Variants in SEC24B observed in about 807,000 individuals in gnomAD.
SEC24B encodes the protein SEC24 homolog B, COPII component.
SEC24B carries 45 observed loss-of-function variants against 142.8 expected under a neutral mutation model. The ratio of observed to expected loss-of-function variants is 0.32; its 90% CI spans 0.25 to 0.40. The LOEUF (loss-of-function observed/expected upper bound fraction) is 0.40, where lower values mean the gene tolerates loss of function less well. SEC24B is among the 10% of genes least tolerant of loss of function. The pLI is 1.00. For missense variants in SEC24B, 1,409 were observed against 1,526.8 expected (o/e 0.92, Z 1.29); for synonymous variants, 574 against 568.2 (o/e 1.01, Z -0.15).
Position 109,439,474 on chromosome 4 carries a change from A to ATTTTTTTTT in SEC24B, c.133+5509_133+5517dup, listed in dbSNP as rs70949077. Among the ~76,000 whole-genome samples the ATTTTTTTTT allele has an allele frequency of 3.2e-4, 14 of 43,996 alleles. 1 individual carries two copies. Among genetic ancestry groups the ATTTTTTTTT allele is most frequent in the Non-Finnish European group, 4.4e-4 (11 of 25,150 alleles). 28.9% of individuals were successfully genotyped at this position (43,996 alleles called of 152,430 possible). On this transcript the variant is annotated intron_variant, in intron 1 of 23. Transcript: ENST00000265175. ...GAATACATAATTTCCTCCTAAGCTG[A>ATTTTTTTTT]TTTTTTTTTTTTTTTTTTTTTTTTT...
chr4:109,433,960 C>T lies in SEC24B; in HGVS notation c.91C>T (p.Pro31Ser). Residue 31 changes from proline (P) to serine (S), a missense_variant, in exon 1 of 24, where the codon CCC becomes TCC. Pro to Ser is a moderately conservative substitution (Grantham distance 74, BLOSUM62 -1). This residue lies in a region of SEC24B where 709 missense variants were observed against 673.5 expected (regional missense o/e 1.05). Coordinates refer to ENST00000265175, the MANE Select transcript of SEC24B (RefSeq NM_006323.5). ...GGAAVSGAAA[P>S]AGPGAGPAPH... Reference sequence around the variant, plus strand: ...AGCGGCCGTCTCAGGAGCCGCAGCGCCCGCGGGCCCGGGTGCGGGCCCGGC... The same window carrying T: ...AGCGGCCGTCTCAGGAGCCGCAGCGTCCGCGGGCCCGGGTGCGGGCCCGGC... 4 of 1,233,994 alleles carry T rather than the reference C, an allele frequency of 3.2e-6. No individual in the cohort carries two copies. Among genetic ancestry groups the T allele is most frequent in the Non-Finnish European group, 4.0e-6 (4 of 990,196 alleles). The allele number at this position is 1,233,994 out of a possible 1,614,324, so 76.4% of individuals were successfully genotyped here.
chr4:109,449,557 G>C (rs1421916140), intron 1 of SEC24B: 1 of 455,280 alleles, frequency 2.2e-6, no homozygotes, highest in Non-Finnish European at 4.4e-6. Flanking sequence ...AGTTCTGGAG[G>C]CTGGAAGTTT....
chr4:109,468,287 T>TG (rs965084539), intron 2 of SEC24B, among the ~76,000 whole-genome samples: 5 of 152,224 alleles, frequency 3.3e-5, no homozygotes, highest in Admixed American at 2.0e-4. Context: ...AAGATACTCT[T>TG]GAACCTTTTT....
At chr4:109,489,886 CT>C (rs1734833291) in intron 4 of SEC24B, among the ~76,000 whole-genome samples, 1 of 151,688 alleles carries the variant, frequency 6.6e-6, no homozygotes, top group African/African-American at 2.4e-5. Flanking sequence ...CAGCATTCTG[CT>C]TTAGTTTAAA....
chr4:109,503,333 C>T (rs1736362100), intron 6 of SEC24B, among the ~76,000 whole-genome samples: 1 of 151,930 alleles, frequency 6.6e-6, no homozygotes, highest in Non-Finnish European at 1.5e-5. Flanking sequence ...AAGCGATTCT[C>T]CTGCCTCAGC....
chr4:109,530,524 T>C, intron 19 of SEC24B, 60 bp downstream of exon 19: 10 of 1,325,022 alleles, frequency 7.5e-6, no homozygotes, highest in Non-Finnish European at 1.0e-5. Context: ...GATATGTACA[T>C]GAAGAAAGGA....
chr4:109,530,500 T>C, intron 19 of SEC24B, 36 bp downstream of exon 19: 1 of 1,526,710 alleles, frequency 6.6e-7, no homozygotes, highest in Non-Finnish European at 8.9e-7. Context: ...TAATATTGTT[T>C]TTTAAAATTC....
chr4:109,527,002 T>A (rs1161202506), intron 17 of SEC24B, among the ~76,000 whole-genome samples: 2 of 151,962 alleles, frequency 1.3e-5, no homozygotes, highest in Non-Finnish European at 2.9e-5. Context: ...GTGGATCACC[T>A]GAGGTCAGGA....
intron 11 of SEC24B, among the ~76,000 whole-genome samples, chr4:109,519,561 G>A (rs2126067961): frequency 6.6e-6 from 1 of 152,286 alleles, no homozygotes; most frequent in South Asian, 2.1e-4. Flanking sequence ...GTCTCCTCTA[G>A]CCAGTAACAA....
At chr4:109,525,303 T>C (rs1348500194) in intron 15 of SEC24B, 43 bp from the exon 16 acceptor site, 5 of 1,482,496 alleles carry the variant, frequency 3.4e-6, no homozygotes, top group African/African-American at 1.4e-5. Flanking sequence ...AAGTAAAATA[T>C]TATTATTTCT....
chr4:109,456,483 C>T (rs917857886), intron 1 of SEC24B, among the ~76,000 whole-genome samples: 10 of 151,800 alleles, frequency 6.6e-5, no homozygotes, highest in African/African-American at 9.7e-5. Flanking sequence ...AATGTTAGGA[C>T]GAAAGCAGTC....
chr4:109,485,446 T>G (rs1033458013), intron 4 of SEC24B, among the ~76,000 whole-genome samples: 2 of 151,852 alleles, frequency 1.3e-5, no homozygotes, highest in Non-Finnish European at 2.9e-5. Context: ...ACGGCCAGAG[T>G]AGGTGGGAGT....
chr4:109,533,398 A>G (rs1045969794), intron 21 of SEC24B, among the ~76,000 whole-genome samples, 195 bp from the exon 22 acceptor site: 1 of 152,208 alleles, frequency 6.6e-6, no homozygotes, highest in African/African-American at 2.4e-5. Context: ...ATTTTATGGT[A>G]AGCCTTAACA....
Position 109,481,736 on chromosome 4 carries a change from T to A in SEC24B, c.1120T>A (p.Ser374Thr). The A allele has an allele frequency of 6.2e-7, 1 of 1,613,900 alleles. No individual in the cohort carries two copies. The highest frequency in any genetic ancestry group is 8.5e-7 in the Non-Finnish European group (1 of 1,179,818). The part of the protein sequence containing the change: ...QASSAPTPLS[S>T]TSDDEEEEEE... ...TAGCTCCGCACCAACTCCCTTGTCA[T>A]CAACTTCCGATGATGAGGAAGAGGA... The change falls in exon 4 of 24, where the codon TCA (serine) becomes ACA (threonine). Residue 374 changes from serine (S) to threonine (T), a missense_variant. Physicochemically the swap from Ser to Thr is moderately conservative, Grantham distance 58. Transcript: ENST00000265175.
intron 1 of SEC24B, among the ~76,000 whole-genome samples, chr4:109,441,281 C>T (rs56226219): frequency 0.02 from 3,049 of 152,172 alleles, 56 homozygotes; most frequent in Non-Finnish European, 0.03. Flanking sequence ...GATTTGAATT[C>T]GTATGAATTA....
chr4:109,533,702 C>A lies in SEC24B; in HGVS notation c.3588+17C>A. ...CAGAAAATGGTCAGTAGATTTTATA[C>A]ACCTTTAACTTTTTGTTTGCTCATT... On this transcript the variant is annotated intron_variant, in intron 22 of 23. Coordinates refer to ENST00000265175, the MANE Select transcript of SEC24B (RefSeq NM_006323.5). 1 of 1,399,000 alleles carries A rather than the reference C, an allele frequency of 7.1e-7. No homozygotes were observed. The highest frequency in any genetic ancestry group is 1.0e-6 in the Non-Finnish European group (1 of 1,000,154). 86.7% of individuals were successfully genotyped at this position (1,399,000 alleles called of 1,614,324 possible).
At chr4:109,529,619 A>C (rs549499028) in intron 18 of SEC24B, among the ~76,000 whole-genome samples, 1 of 152,320 alleles carries the variant, frequency 6.6e-6, no homozygotes, top group East Asian at 1.9e-4. Context: ...CAGAAATTAC[A>C]TTGGTTGAGC....
chr4:109,441,217 G>C (rs13103034), intron 1 of SEC24B, among the ~76,000 whole-genome samples: 26,576 of 152,120 alleles, frequency 0.17, 2,612 homozygotes, highest in African/African-American at 0.27. Flanking sequence ...GTGAAATGAG[G>C]TATAAGCCTG....
intron 10 of SEC24B, among the ~76,000 whole-genome samples, chr4:109,516,062 G>A (rs1028940503): frequency 6.6e-6 from 1 of 151,898 alleles, no homozygotes; most frequent in African/African-American, 2.4e-5. Context: ...AAAAAGAAAA[G>A]TATTTATAAT....
Sources: gnomAD v4.1 joint callset for allele counts (sites outside exome capture counted in the v4.1 genomes callset) on GRCh38, gnomAD v4.1.1 for gene constraint, gnomAD v4.1.1 regional missense constraint, MANE v1.5 for transcripts, NCBI Gene and HGNC (gene_info 2026-07-23, HGNC 2026-07-21) for gene names.